Variants in PDE7A observed in about 807,000 individuals in gnomAD.
The protein encoded by PDE7A is phosphodiesterase 7A, also known as high affinity 3',5'-cyclic-AMP phosphodiesterase 7A.
Under a neutral mutation model 64.3 loss-of-function variants are expected in PDE7A, and 39 were observed. The observed-to-expected ratio is 0.61, with a 90% CI of 0.47 to 0.79. The LOEUF (loss-of-function observed/expected upper bound fraction) is 0.79, where lower values mean the gene tolerates loss of function less well. PDE7A is among the 30% of genes least tolerant of loss of function. PDE7A has a pLI of 0.00. For missense variants in PDE7A, 470 were observed against 582.8 expected, an observed-to-expected ratio of 0.81 and a Z score of 1.99; for synonymous variants, 203 against 206.8, an observed-to-expected ratio of 0.98 and a Z score of 0.16.
chr8:65,760,114 C>T (rs1808421961), intron 3 of PDE7A, among the ~76,000 whole-genome samples: 1 of 151,870 alleles, frequency 6.6e-6, no homozygotes, highest in African/African-American at 2.4e-5. Flanking sequence ...GTGGTGGTCG[C>T]CTGTAATACC....
chr8:65,754,880 G>C (rs1259313751), intron 3 of PDE7A, among the ~76,000 whole-genome samples: 1 of 149,476 alleles, frequency 6.7e-6, no homozygotes, highest in Non-Finnish European at 1.5e-5. Flanking sequence ...CAGGAGAATC[G>C]CCTGAACCCG....
chr8:65,822,919 C>A (rs1810577200), intron 1 of PDE7A, among the ~76,000 whole-genome samples: 1 of 151,752 alleles, frequency 6.6e-6, no homozygotes, highest in African/African-American at 2.4e-5. Flanking sequence ...TTTTAAAGCA[C>A]TTATTATCTT....
intron 1 of PDE7A, among the ~76,000 whole-genome samples, chr8:65,828,449 T>C (rs1446397818): frequency 6.6e-6 from 1 of 152,176 alleles, no homozygotes; most frequent in African/African-American, 2.4e-5. Flanking sequence ...TACAGAGTTT[T>C]CTGTTGAATT....
intron 9 of PDE7A, among the ~76,000 whole-genome samples, chr8:65,726,304 T>G (rs1397558010): frequency 6.6e-6 from 1 of 152,108 alleles, no homozygotes; most frequent in African/African-American, 2.4e-5. Flanking sequence ...TTAATGTTTT[T>G]TATTAGGTTC....
chr8:65,773,076 G>A (rs528989064), intron 3 of PDE7A, among the ~76,000 whole-genome samples: 1 of 152,236 alleles, frequency 6.6e-6, no homozygotes, highest in South Asian at 2.1e-4. Flanking sequence ...CTAATGTTTA[G>A]GACAATCAGA....
chr8:65,823,930 A>G (rs1810604004), intron 1 of PDE7A, among the ~76,000 whole-genome samples: 1 of 152,084 alleles, frequency 6.6e-6, no homozygotes, highest in South Asian at 2.1e-4. Flanking sequence ...CACAAATATG[A>G]CAAAATGTTC....
chr8:65,775,061 A>C (rs1334704267), intron 3 of PDE7A, among the ~76,000 whole-genome samples: 1 of 152,214 alleles, frequency 6.6e-6, no homozygotes, highest in Non-Finnish European at 1.5e-5. Flanking sequence ...TCTGGATCAT[A>C]CAAGTGTTCA....
chr8:65,773,752 T>C (rs1809179092), intron 3 of PDE7A, among the ~76,000 whole-genome samples: 1 of 152,188 alleles, frequency 6.6e-6, no homozygotes, highest in African/African-American at 2.4e-5. Context: ...TATCCTATTT[T>C]AATTTCATTA....
At chr8:65,797,728 G>T (rs1809877121) in intron 1 of PDE7A, among the ~76,000 whole-genome samples, 1 of 151,918 alleles carries the variant, frequency 6.6e-6, no homozygotes, top group South Asian at 2.1e-4. Flanking sequence ...CCCAACAAAG[G>T]TACCAAAGTA....
intron 3 of PDE7A, chr8:65,771,282 T>C (rs1293952960): frequency 6.5e-6 from 1 of 152,962 alleles, no homozygotes; most frequent in East Asian, 1.9e-4. Flanking sequence ...TATTGCAATA[T>C]AGATGTCTAA....
intron 3 of PDE7A, among the ~76,000 whole-genome samples, chr8:65,771,905 A>AAAGAAG (rs1195303968): frequency 3.4e-5 from 5 of 145,400 alleles, no homozygotes; most frequent in African/African-American, 1.1e-4. Flanking sequence ...AAAAAAAAAA[A>AAAGAAG]AAGAAGAAGA....
At chr8:65,734,406 G>A (rs546273810) in intron 7 of PDE7A, among the ~76,000 whole-genome samples, 2 of 152,236 alleles carry the variant, frequency 1.3e-5, no homozygotes, top group Admixed American at 6.5e-5. Context: ...GTCTTGATAC[G>A]ATTTATCTTC....
At chr8:65,768,430 G>C (rs1487071516) in intron 3 of PDE7A, among the ~76,000 whole-genome samples, 1 of 152,130 alleles carries the variant, frequency 6.6e-6, no homozygotes, top group Non-Finnish European at 1.5e-5. Context: ...AGATCTCATG[G>C]TTTTAAAAAG....
At chr8:65,737,235 T>C (rs913978733) in intron 6 of PDE7A, among the ~76,000 whole-genome samples, 1 of 152,130 alleles carries the variant, frequency 6.6e-6, no homozygotes, top group African/African-American at 2.4e-5. Context: ...GGATTCCTTA[T>C]GGCTTTAAGG....
chr8:65,729,223 AG>A (rs1806733462), intron 7 of PDE7A, among the ~76,000 whole-genome samples: 1 of 152,180 alleles, frequency 6.6e-6, no homozygotes, highest in Admixed American at 6.5e-5. Flanking sequence ...AGCCATCATT[AG>A]GGTTCTTTTT....
intron 2 of PDE7A, 117 bp downstream of exon 2, chr8:65,782,665 AG>A: frequency 1.6e-6 from 1 of 613,558 alleles, no homozygotes; most frequent in Non-Finnish European, 2.9e-6. Context: ...CTCCATGAAT[AG>A]GTTATTTCTA....
intron 1 of PDE7A, among the ~76,000 whole-genome samples, chr8:65,832,755 G>A (rs1431261454): frequency 6.6e-6 from 1 of 152,056 alleles, no homozygotes; most frequent in East Asian, 1.9e-4. Context: ...CACAAGTGTT[G>A]GGATTACAGG....
rs557245162 is a variant in PDE7A at position 65,839,454 on chromosome 8, A to G, written c.138+1917T>C. 2.4e-4 allele frequency among the ~76,000 whole-genome samples: 36 copies of G among 151,868 alleles called. No individual in the cohort carries two copies. In the East Asian group the frequency reaches 6.4e-3, roughly 27 times the overall value. On this transcript the variant is annotated intron_variant, in intron 1 of 12. Coordinates refer to ENST00000401827, the MANE Select transcript of PDE7A (RefSeq NM_001242318.3). ...TAGGCCTAAAGAAATCAATATCAAC[A>G]TATGCTTTATTATTAAATGATATGC... is the stretch of plus-strand genomic sequence containing the variant.
chr8:65,739,041 T>C (rs1206779401), intron 6 of PDE7A, among the ~76,000 whole-genome samples: 1 of 152,256 alleles, frequency 6.6e-6, no homozygotes, highest in African/African-American at 2.4e-5. Context: ...GGGCCGATTC[T>C]GAGCCCAGGG....
Sources: gnomAD v4.1 joint callset for allele counts (sites outside exome capture counted in the v4.1 genomes callset) on GRCh38, gnomAD v4.1.1 for gene constraint, MANE v1.5 for transcripts, NCBI Gene and HGNC (gene_info 2026-07-23, HGNC 2026-07-21) for gene names.